The following NFILZ variants were observed in gnomAD, a reference collection of about 807,000 sequenced individuals.
NFILZ encodes the protein NFIL3 like basic leucine zipper.
chr19:8,631,785 C>G (rs2042870867), intron 1 of NFILZ, among the ~76,000 whole-genome samples: 1 of 151,658 alleles, frequency 6.6e-6, no homozygotes, highest in South Asian at 2.1e-4. Context: ...TGAAGCGTCT[C>G]TAGTGATGGG....
intron 3 of NFILZ, among the ~76,000 whole-genome samples, chr19:8,642,317 G>A (rs1365957332): frequency 6.6e-6 from 1 of 152,192 alleles, no homozygotes; most frequent in Admixed American, 6.6e-5. Flanking sequence ...TCACATGCAT[G>A]TCTTTGCCTG....
chr19:8,658,414 G>A (rs539668763), intron 3 of NFILZ, among the ~76,000 whole-genome samples: 5 of 152,040 alleles, frequency 3.3e-5, no homozygotes, highest in Admixed American at 6.6e-5. Flanking sequence ...GACCAGTAGG[G>A]GCACCTGGTC....
Position 8,679,751 on chromosome 19 carries a change from T to G in NFILZ, c.*2116T>G, listed in dbSNP as rs7253377. Among the ~76,000 whole-genome samples the G allele has an allele frequency of 0.19, 28,852 of 152,042 alleles. 2,929 individuals are homozygous for G. Among genetic ancestry groups the G allele is most frequent in the Admixed American group, 0.24 (3,627 of 15,276 alleles). ...GCCTGACCTTCCAGCAGGTGGCTTT[T>G]CTCATGTCACTGAGCCTCCCTTATA... On this transcript the variant is annotated 3_prime_UTR_variant, in exon 6 of 6. Coordinates refer to ENST00000691075, the MANE Select transcript of NFILZ (RefSeq NM_001378600.1).
rs12151275 is a variant in NFILZ at position 8,679,207 on chromosome 19, G to A, written c.*1572G>A. On this transcript the variant is annotated 3_prime_UTR_variant, in exon 6 of 6. Transcript: ENST00000691075. ...ATTCTGCAGGGAAGGTCTTCCAGGGGCCTGGAGCCCAAGGACTTATCAAGG... is the reference window on the plus strand; with the variant it reads ...ATTCTGCAGGGAAGGTCTTCCAGGGACCTGGAGCCCAAGGACTTATCAAGG... Among the ~76,000 whole-genome samples, 3 of 152,000 alleles carry A rather than the reference G, an allele frequency of 2.0e-5. No individual in the cohort carries two copies. Among genetic ancestry groups the A allele is most frequent in the Non-Finnish European group, 4.4e-5 (3 of 68,000 alleles).
At chr19:8,654,249 A>C (rs1170604181) in intron 3 of NFILZ, among the ~76,000 whole-genome samples, 3 of 151,120 alleles carry the variant, frequency 2.0e-5, no homozygotes, top group Non-Finnish European at 4.4e-5. Context: ...AACAAACAAA[A>C]ACAAACAAAC....
At chr19:8,654,247 A>G (rs186975755) in intron 3 of NFILZ, among the ~76,000 whole-genome samples, 1 of 151,104 alleles carries the variant, frequency 6.6e-6, no homozygotes, top group Non-Finnish European at 1.5e-5. Flanking sequence ...CAAACAAACA[A>G]AAACAAACAA....
In NFILZ at chr19:8,679,458, A is replaced by G. The variant is rs2918307; in HGVS notation, c.*1823A>G. On this transcript the variant is annotated 3_prime_UTR_variant, in exon 6 of 6. Coordinates refer to ENST00000691075, the MANE Select transcript of NFILZ (RefSeq NM_001378600.1). ...TCACTTGGACTCAGGAGCATCGCCC[A>G]CCCCCACCAGATCTGGGGGCTGGGC... Among the ~76,000 whole-genome samples the G allele has an allele frequency of 0.19, 28,704 of 151,472 alleles. 2,885 individuals are homozygous for G. Among genetic ancestry groups the G allele is most frequent in the Admixed American group, 0.24 (3,619 of 15,222 alleles).
rs1479870939 is a variant in NFILZ, at chr19:8,642,032, G to A, written c.-164+6286G>A. 2.6e-5 allele frequency among the ~76,000 whole-genome samples: 4 copies of A among 152,068 alleles called. 1 individual carries two copies. The highest frequency in any genetic ancestry group is 5.9e-5 in the Non-Finnish European group (4 of 68,002). On this transcript the variant is annotated intron_variant, in intron 3 of 5. Coordinates refer to ENST00000691075, the MANE Select transcript of NFILZ (RefSeq NM_001378600.1). ...ACATTTTATGTTTTTTGTAGAGACA[G>A]GGTCTTGCTATGTTGGCCAGGCTGA...
intron 3 of NFILZ, among the ~76,000 whole-genome samples, chr19:8,673,435 G>T (rs990460820): frequency 2.0e-5 from 3 of 152,202 alleles, no homozygotes; most frequent in African/African-American, 7.2e-5. Flanking sequence ...GTGGACCAGG[G>T]TTCACCTAAC....
intron 3 of NFILZ, among the ~76,000 whole-genome samples, chr19:8,644,693 T>G (rs1236642193): frequency 6.6e-6 from 1 of 151,886 alleles, no homozygotes; most frequent in Non-Finnish European, 1.5e-5. Context: ...CTTGAACTCC[T>G]GGGCTCAAGC....
chr19:8,632,237 C>T (rs1338476681), intron 1 of NFILZ, among the ~76,000 whole-genome samples: 6 of 111,680 alleles, frequency 5.4e-5, no homozygotes, highest in Admixed American at 1.0e-4. Flanking sequence ...CTGACTGCCC[C>T]GCCATACAGT....
At chr19:8,658,865 G>A (rs552211467) in intron 3 of NFILZ, among the ~76,000 whole-genome samples, 2 of 152,148 alleles carry the variant, frequency 1.3e-5, no homozygotes, top group East Asian at 3.9e-4. Context: ...TGGGAGGATC[G>A]TTTGAGCCCA....
intron 3 of NFILZ, among the ~76,000 whole-genome samples, chr19:8,666,810 T>C (rs1314832399): frequency 6.6e-6 from 1 of 152,042 alleles, no homozygotes; most frequent in East Asian, 1.9e-4. Flanking sequence ...CACAGCTCAC[T>C]ACAGCCTCGA....
At chr19:8,656,441 TC>T (rs1555748442) in intron 3 of NFILZ, among the ~76,000 whole-genome samples, 769 of 68,118 alleles carry the variant, frequency 0.011, 62 homozygotes, top group African/African-American at 0.037. Context: ...GCCCACCTTC[TC>T]CTCGAAGCCC....
At chr19:8,656,439 T>G in intron 3 of NFILZ, among the ~76,000 whole-genome samples, 1 of 76,020 alleles carries the variant, frequency 1.3e-5, no homozygotes, top group Admixed American at 1.5e-4. Context: ...CAGCCCACCT[T>G]CTCCTCGAAG....
rs538452466 is a variant in NFILZ, at chr19:8,645,981, A to G, written c.-164+10235A>G. ...GAAAACCACAATTAGTTTTGCACCA[A>G]CCTAAATAATATGTGACATTGTATA... On this transcript the variant is annotated intron_variant, in intron 3 of 5. Transcript: ENST00000691075. Among the ~76,000 whole-genome samples the G allele has an allele frequency of 3.3e-5, 5 of 152,240 alleles. No individual in the cohort carries two copies. In the East Asian group the frequency reaches 9.6e-4, roughly 29 times the overall value.
At chr19:8,664,394 C>T (rs781897311) in intron 3 of NFILZ, among the ~76,000 whole-genome samples, 2 of 152,100 alleles carry the variant, frequency 1.3e-5, no homozygotes, top group Non-Finnish European at 2.9e-5. Flanking sequence ...CTGTTCCTGG[C>T]ACTCGGGACC....
intron 4 of NFILZ, among the ~76,000 whole-genome samples, chr19:8,674,900 A>G (rs1445459233): frequency 1.3e-5 from 2 of 152,216 alleles, no homozygotes; most frequent in Admixed American, 1.3e-4. Flanking sequence ...GAAAGTTACT[A>G]CGGTTTATCT....
At chr19:8,634,036 C>T (rs1445168549) in intron 2 of NFILZ, among the ~76,000 whole-genome samples, 2 of 150,648 alleles carry the variant, frequency 1.3e-5, no homozygotes, top group Non-Finnish European at 3.0e-5. Flanking sequence ...CTTGCTCTGT[C>T]ACCCAGGCTG....
Sources: allele counts gnomAD v4.1 joint callset (sites outside exome capture counted in the v4.1 genomes callset), GRCh38; gene constraint gnomAD v4.1.1; transcripts MANE v1.5; gene names NCBI Gene and HGNC (gene_info 2026-07-23, HGNC 2026-07-21).